The following PODXL variants were observed in gnomAD, a reference collection of about 807,000 sequenced individuals.
PODXL encodes the protein podocalyxin.
In PODXL, 20 loss-of-function variants were observed where a neutral mutation model predicts 48.9. The ratio of observed to expected loss-of-function variants is 0.41; its 90% CI spans 0.29 to 0.59. PODXL has a LOEUF of 0.59. Among genes scored for constraint, PODXL ranks in the 20% least tolerant of loss-of-function variants. PODXL has a pLI of 0.31. For missense variants in PODXL, 606 were observed against 675.1 expected (o/e 0.90, Z 1.13); for synonymous variants, 295 against 287.4 (o/e 1.03, Z -0.27).
chr7:131,555,897 A>G (rs1188332199), intron 1 of PODXL, among the ~76,000 whole-genome samples: 1 of 152,214 alleles, frequency 6.6e-6, no homozygotes, highest in Non-Finnish European at 1.5e-5. Flanking sequence ...ACACGAAGGA[A>G]AGGTGTAATC....
At chr7:131,523,232 T>G (rs908335811) in intron 1 of PODXL, among the ~76,000 whole-genome samples, 1 of 152,204 alleles carries the variant, frequency 6.6e-6, no homozygotes, top group Admixed American at 6.5e-5. Context: ...AGGCACTAAA[T>G]AGTATCTCAC....
Position 131,505,997 on chromosome 7 carries a change from T to C in PODXL, c.1350A>G (p.Pro450=). ...TGAAGCGGTCCTCGGCCTCCTCCGG[T>C]GGCCCCTGGTCCCCTAGCTTCATGT... ...VSDMKLGDQG[P]PEEAEDRFSM... Residue 450 remains proline (P), a synonymous_variant, in exon 8 of 9, where the codon CCA becomes CCG. Coordinates refer to ENST00000378555, the MANE Select transcript of PODXL (RefSeq NM_001018111.3). 1 of 1,612,718 alleles carries C rather than the reference T, an allele frequency of 6.2e-7. No homozygotes were observed. Among genetic ancestry groups the C allele is most frequent in the Non-Finnish European group, 8.5e-7 (1 of 1,179,546 alleles).
At chr7:131,540,799 G>C (rs1798465288) in intron 1 of PODXL, among the ~76,000 whole-genome samples, 1 of 152,158 alleles carries the variant, frequency 6.6e-6, no homozygotes, top group South Asian at 2.1e-4. Context: ...TCCACTCCTG[G>C]CCTAAAACAA....
chr7:131,514,096 G>A (rs1036164167), intron 1 of PODXL, among the ~76,000 whole-genome samples: 1 of 152,164 alleles, frequency 6.6e-6, no homozygotes, highest in African/African-American at 2.4e-5. Flanking sequence ...GCCAGAGTAT[G>A]AAAGGCACAC....
At chr7:131,525,076 A>T (rs948343111) in intron 1 of PODXL, among the ~76,000 whole-genome samples, 2 of 152,150 alleles carry the variant, frequency 1.3e-5, no homozygotes, top group African/African-American at 4.8e-5. Flanking sequence ...GGTTGAGGGA[A>T]CTGGGAGGAG....
chr7:131,521,792 C>A (rs1185250718), intron 1 of PODXL, among the ~76,000 whole-genome samples: 2 of 152,136 alleles, frequency 1.3e-5, no homozygotes, highest in Non-Finnish European at 2.9e-5. Context: ...AAAAAGCAAA[C>A]CCTTGCGGGT....
Position 131,501,397 on chromosome 7 carries a change from T to C in PODXL, c.*2914A>G, listed in dbSNP as rs938651444. 3 of 152,630 alleles carry C rather than the reference T, an allele frequency of 2.0e-5. No individual in the cohort carries two copies. The highest frequency in any genetic ancestry group is 6.5e-5 in the Admixed American group (1 of 15,290). The allele number at this position is 152,630 out of a possible 1,614,324, so 9.5% of individuals were successfully genotyped here. A position where few individuals can be genotyped will look rare whatever the true frequency, so the allele number is the denominator to read the frequency against. On this transcript the variant is annotated 3_prime_UTR_variant, in exon 9 of 9. Coordinates refer to ENST00000378555, the MANE Select transcript of PODXL (RefSeq NM_001018111.3). ...GTTTGAACTTGTTCTTCAAAGTTTC[T>C]CCAGTATATTGTCAAAAAAGATAAA...
At chr7:131,556,088 A>G (rs929582676) in intron 1 of PODXL, among the ~76,000 whole-genome samples, 172 bp downstream of exon 1, 1 of 151,946 alleles carries the variant, frequency 6.6e-6, no homozygotes, top group Admixed American at 6.5e-5. Context: ...CGCGCTGCGG[A>G]GTTTGGAGGG....
At chr7:131,543,906 A>G (rs919513829) in intron 1 of PODXL, among the ~76,000 whole-genome samples, 15 of 152,204 alleles carry the variant, frequency 9.9e-5, no homozygotes, top group African/African-American at 2.6e-4. Context: ...GAACATCCAC[A>G]CTGTCCAGCT....
At chr7:131,531,156 C>A (rs537155251) in intron 1 of PODXL, among the ~76,000 whole-genome samples, 15 of 152,216 alleles carry the variant, frequency 9.9e-5, no homozygotes, top group Non-Finnish European at 2.2e-4. Flanking sequence ...TTTCCTTCCA[C>A]CAAAAGGCCC....
intron 1 of PODXL, among the ~76,000 whole-genome samples, chr7:131,529,756 T>C (rs912236462): frequency 5.3e-5 from 8 of 152,142 alleles, no homozygotes; most frequent in Non-Finnish European, 1.2e-4. Context: ...CCCTCAGGCC[T>C]GGGCAAGCTG....
chr7:131,514,813 T>C (rs933816384), intron 1 of PODXL, among the ~76,000 whole-genome samples: 4 of 152,050 alleles, frequency 2.6e-5, no homozygotes, highest in Admixed American at 6.6e-5. Context: ...CTCACTATAA[T>C]GGCCAGGCTA....
intron 1 of PODXL, among the ~76,000 whole-genome samples, chr7:131,531,140 C>A (rs144155705): frequency 6.6e-6 from 1 of 152,154 alleles, no homozygotes; most frequent in African/African-American, 2.4e-5. Flanking sequence ...CTTAGCTGGG[C>A]ACTCATTTCC....
At chr7:131,533,508 G>A (rs941396958) in intron 1 of PODXL, among the ~76,000 whole-genome samples, 1 of 151,880 alleles carries the variant, frequency 6.6e-6, no homozygotes, top group African/African-American at 2.4e-5. Flanking sequence ...GGGCAGGAGA[G>A]GGCTGCCACT....
intron 1 of PODXL, among the ~76,000 whole-genome samples, chr7:131,535,889 G>A (rs1241202658): frequency 1.3e-5 from 2 of 152,146 alleles, no homozygotes; most frequent in Admixed American, 1.3e-4. Flanking sequence ...AGCCTCCCGA[G>A]TAGCTAGGAC....
rs1186853944 is a variant in PODXL at position 131,511,278 on chromosome 7, A to C, written c.256T>G (p.Ser86Ala). The change falls in exon 2 of 9, where the codon TCC (serine) becomes GCC (alanine). Residue 86 changes from serine (S) to alanine (A), a missense_variant. Coordinates refer to ENST00000378555, the MANE Select transcript of PODXL (RefSeq NM_001018111.3). Reference protein sequence around the residue: ...ASVKATTLGVSSDSPGTTTLA... With the variant: ...ASVKATTLGVASDSPGTTTLA... Reference sequence around the variant, plus strand: ...GTTGTAGTCCCCGGTGAGTCACTGGATACACCAAGGGTGGTCGCCTTGACC... The same window carrying C: ...GTTGTAGTCCCCGGTGAGTCACTGGCTACACCAAGGGTGGTCGCCTTGACC... The C allele has an allele frequency of 6.2e-7, 1 of 1,613,730 alleles. No individual in the cohort carries two copies. Among genetic ancestry groups the C allele is most frequent in the Non-Finnish European group, 8.5e-7 (1 of 1,179,948 alleles).
At chr7:131,507,552 C>T (rs754950367) in intron 5 of PODXL, among the ~76,000 whole-genome samples, 2 of 152,070 alleles carry the variant, frequency 1.3e-5, no homozygotes, top group Non-Finnish European at 2.9e-5. Flanking sequence ...TAGCTTAGCA[C>T]AGAACCCATA....
chr7:131,525,913 C>CAGTG (rs1330111858), intron 1 of PODXL, among the ~76,000 whole-genome samples: 21 of 152,210 alleles, frequency 1.4e-4, no homozygotes, highest in African/African-American at 5.1e-4. Context: ...TGATGAGAGG[C>CAGTG]AGTGATGTCA....
In PODXL at chr7:131,556,270, GGGCGAC is replaced by G. The variant is rs11277659; in HGVS notation, c.84_89del (p.Pro30_Ser31del). On this transcript the variant is annotated inframe_deletion, in exon 1 of 9. Coordinates refer to ENST00000378555, the MANE Select transcript of PODXL (RefSeq NM_001018111.3). ...AGGCCGGCCACTCACCATTCTGGGAGGGCGACGGCGACGGCGACGGCGACGACGGCA... is the reference window on the plus strand; with the variant it reads ...AGGCCGGCCACTCACCATTCTGGGAGGGCGACGGCGACGGCGACGACGGCA... 389,300 of 1,459,654 alleles carry G rather than the reference GGGCGAC, an allele frequency of 0.27. 53,611 individuals are homozygous for G. Among genetic ancestry groups the G allele is most frequent in the African/African-American group, 0.39 (26,361 of 67,830 alleles). 90.4% of individuals were successfully genotyped at this position (1,459,654 alleles called of 1,614,324 possible). A position where few individuals can be genotyped will look rare whatever the true frequency, so the allele number is the denominator to read the frequency against.
Sources: allele counts gnomAD v4.1 joint callset (sites outside exome capture counted in the v4.1 genomes callset), GRCh38; gene constraint gnomAD v4.1.1; transcripts MANE v1.5; gene names NCBI Gene and HGNC (gene_info 2026-07-23, HGNC 2026-07-21).